SSBP3: variants seen among roughly 807,000 people sequenced by gnomAD.
SSBP3 encodes the protein single stranded DNA binding protein 3.
Under a neutral mutation model 69.6 loss-of-function variants are expected in SSBP3, and 5 were observed. The ratio of observed to expected loss-of-function variants is 0.07; its 90% CI spans 0.04 to 0.15. The LOEUF is 0.15. SSBP3 is among the 10% of genes least tolerant of loss of function. The pLI is 1.00. For synonymous variants in SSBP3, 196 were observed against 193.4 expected (o/e 1.01, Z -0.11); for missense variants, 312 against 534.0 (o/e 0.58, Z 4.10).
rs528376023 is a variant in SSBP3, at chr1:54,264,773, G to A, written c.367-6624C>T. Among the ~76,000 whole-genome samples the A allele has an allele frequency of 8.5e-5, 13 of 152,342 alleles. No individual in the cohort carries two copies. The South Asian group carries it at 2.5e-3, about 29-fold the overall frequency. On this transcript the variant is annotated intron_variant, in intron 5 of 17. Transcript: ENST00000610401. ...GCCAAATCCGCCTTTTGTCTTCACA[G>A]AAGGCTGCTGAGGAAAGGGGACTTG... is the stretch of plus-strand genomic sequence containing the variant.
intron 5 of SSBP3, among the ~76,000 whole-genome samples, chr1:54,277,626 G>A (rs1308563562): frequency 6.6e-6 from 1 of 152,204 alleles, no homozygotes; most frequent in Non-Finnish European, 1.5e-5. Flanking sequence ...TAAGTTGCAT[G>A]TTTAAAAACA....
intron 4 of SSBP3, among the ~76,000 whole-genome samples, chr1:54,338,276 T>C (rs1339260231): frequency 3.9e-5 from 6 of 152,250 alleles, no homozygotes; most frequent in Non-Finnish European, 8.8e-5. Context: ...TTGCCTTGCA[T>C]ATGCTAAAGC....
chr1:54,310,720 G>A (rs1001236821), intron 4 of SSBP3, among the ~76,000 whole-genome samples: 2 of 152,178 alleles, frequency 1.3e-5, no homozygotes, highest in African/African-American at 2.4e-5. Flanking sequence ...TGGGCCTAGA[G>A]AGTTCCAACT....
rs200467921 is a variant in SSBP3, at chr1:54,263,969, TAAAACCAAAACC to T, written c.367-5832_367-5821del. ...TGGAGCTGGATGGAAGATAGCTCCT[TAAAACCAAAACC>T]AAAACCAAAACAAAAACAAAAACAA... is the stretch of plus-strand genomic sequence containing the variant. On this transcript the variant is annotated intron_variant, in intron 5 of 17. Transcript: ENST00000610401. Among the ~76,000 whole-genome samples, 135 of 152,308 alleles carry T rather than the reference TAAAACCAAAACC, an allele frequency of 8.9e-4. 1 individual carries two copies. In the East Asian group the frequency reaches 0.022, roughly 25 times the overall value.
At chr1:54,233,675 C>A (rs1178735146) in intron 14 of SSBP3, among the ~76,000 whole-genome samples, 17 of 145,678 alleles carry the variant, frequency 1.2e-4, no homozygotes, top group Non-Finnish European at 2.1e-4. Context: ...AAGTGAGGAG[C>A]CCCTCTGCCC....
chr1:54,396,011 C>A (rs535508768), intron 4 of SSBP3, among the ~76,000 whole-genome samples: 2 of 151,876 alleles, frequency 1.3e-5, no homozygotes, highest in African/African-American at 4.8e-5. Flanking sequence ...GCCAAGATGG[C>A]GAAACCCTGT....
At chr1:54,318,420 C>T (rs188811040) in intron 4 of SSBP3, among the ~76,000 whole-genome samples, 19 of 152,286 alleles carry the variant, frequency 1.2e-4, no homozygotes, top group African/African-American at 4.6e-4. Context: ...TCAGATTGAT[C>T]ACCAGGGTAG....
chr1:54,250,758 C>T (rs905481568), intron 9 of SSBP3, among the ~76,000 whole-genome samples: 3 of 152,162 alleles, frequency 2.0e-5, no homozygotes, highest in Admixed American at 6.5e-5. Flanking sequence ...TGGAACATCG[C>T]GAACGCTCTG....
chr1:54,369,609 G>A (rs1005453906), intron 4 of SSBP3, among the ~76,000 whole-genome samples: 60 of 152,180 alleles, frequency 3.9e-4, no homozygotes, highest in Admixed American at 3.1e-3. Context: ...CTGTTCTTGT[G>A]GTCTGGCTAT....
intron 5 of SSBP3, among the ~76,000 whole-genome samples, chr1:54,280,674 A>C (rs1255739858): frequency 2.6e-5 from 4 of 152,182 alleles, no homozygotes; most frequent in African/African-American, 9.7e-5. Flanking sequence ...CCCCAGTCTC[A>C]AGTTGGCTTA....
At chr1:54,391,807 G>T (rs755551019) in intron 4 of SSBP3, among the ~76,000 whole-genome samples, 1 of 152,102 alleles carries the variant, frequency 6.6e-6, no homozygotes, top group African/African-American at 2.4e-5. Context: ...GATGCCTTAC[G>T]ACCTATTCTC....
chr1:54,361,034 G>A (rs898706681), intron 4 of SSBP3, among the ~76,000 whole-genome samples: 2 of 152,108 alleles, frequency 1.3e-5, no homozygotes, highest in Non-Finnish European at 2.9e-5. Context: ...AGGCTGCAGT[G>A]AGCTATGACT....
intron 4 of SSBP3, among the ~76,000 whole-genome samples, chr1:54,374,256 A>T (rs1647181026): frequency 6.6e-6 from 1 of 152,166 alleles, no homozygotes; most frequent in African/African-American, 2.4e-5. Flanking sequence ...CGTGTTGGGG[A>T]TCCAGAGACT....
chr1:54,243,117 A>T lies in SSBP3; in HGVS notation c.716+118T>A. The stretch of plus-strand genomic sequence containing the variant: ...CAATATCCTCACATTACCGATGAGG[A>T]GACTGAGGTCCAGAGAGGTACCAGC... On this transcript the variant is annotated intron_variant, in intron 10 of 17. Transcript: ENST00000610401. The T allele has an allele frequency of 3.4e-6, 3 of 885,684 alleles. No homozygotes were observed. In the East Asian group the frequency reaches 7.2e-5, roughly 21 times the overall value. 54.9% of individuals were successfully genotyped at this position (885,684 alleles called of 1,614,324 possible).
intron 4 of SSBP3, among the ~76,000 whole-genome samples, chr1:54,284,563 G>T (rs1162006261): frequency 6.6e-6 from 1 of 151,922 alleles, no homozygotes; most frequent in Non-Finnish European, 1.5e-5. Context: ...AAACTCCTAG[G>T]CTCAAGGGAT....
At chr1:54,252,367 G>C (rs1167220666) in intron 7 of SSBP3, among the ~76,000 whole-genome samples, 1 of 152,242 alleles carries the variant, frequency 6.6e-6, no homozygotes, top group Non-Finnish European at 1.5e-5. Context: ...CCATTTAAAG[G>C]GGAAAAGAGG....
chr1:54,373,369 C>G (rs894900654), intron 4 of SSBP3, among the ~76,000 whole-genome samples: 1 of 152,118 alleles, frequency 6.6e-6, no homozygotes, highest in African/African-American at 2.4e-5. Context: ...CTTCATGATT[C>G]TAGTTACAGA....
intron 4 of SSBP3, among the ~76,000 whole-genome samples, chr1:54,353,688 C>T (rs924812577): frequency 1.3e-5 from 2 of 152,186 alleles, no homozygotes; most frequent in African/African-American, 4.8e-5. Context: ...TGGCCTGCCC[C>T]ATCCTACTCA....
intron 4 of SSBP3, among the ~76,000 whole-genome samples, chr1:54,396,215 AAAAAC>A (rs1390008350): frequency 6.8e-5 from 10 of 146,106 alleles, no homozygotes; most frequent in African/African-American, 9.9e-5. Context: ...AAAAAAAAAA[AAAAAC>A]AACCCCATTA....
Sources: gnomAD v4.1 joint callset for allele counts (sites outside exome capture counted in the v4.1 genomes callset) on GRCh38, gnomAD v4.1.1 for gene constraint, MANE v1.5 for transcripts, NCBI Gene and HGNC (gene_info 2026-07-23, HGNC 2026-07-21) for gene names.